The following RGS7 variants were observed in gnomAD, a reference collection of about 807,000 sequenced individuals.
RGS7 encodes regulator of G protein signaling 7.
RGS7 carries 27 observed loss-of-function variants against 81.1 expected under a neutral mutation model. That is an observed-to-expected ratio of 0.33 (90% CI 0.25 to 0.46). The LOEUF (loss-of-function observed/expected upper bound fraction) is 0.46. Ranked by LOEUF, RGS7 falls within the 20% of genes least tolerant of loss-of-function variation. The pLI, the probability that RGS7 is intolerant of heterozygous loss-of-function variation, is 1.00. For missense variants in RGS7, 396 were observed against 607.4 expected (o/e 0.65, Z 3.66); for synonymous variants, 208 against 207.7 (o/e 1.00, Z -0.01).
chr1:241,192,252 C>CATGTGTGTGTGTGTGTGTGT (rs1491204174), intron 2 of RGS7, among the ~76,000 whole-genome samples: 1 of 124,676 alleles, frequency 8.0e-6, no homozygotes, highest in African/African-American at 3.2e-5. Flanking sequence ...TCTGTCTGCA[C>CATGTGTGTGTGTGTGTGTGT]GTGTGTGTGT....
At chr1:240,778,366 C>T (rs908260952) in intron 18 of RGS7, among the ~76,000 whole-genome samples, 1 of 152,188 alleles carries the variant, frequency 6.6e-6, no homozygotes, top group Non-Finnish European at 1.5e-5. Context: ...ATTCCATAAT[C>T]AACCTGTCTT....
intron 18 of RGS7, among the ~76,000 whole-genome samples, chr1:240,794,621 A>G (rs181601030): frequency 4.6e-5 from 7 of 152,338 alleles, no homozygotes; most frequent in African/African-American, 1.7e-4. Flanking sequence ...CAGGAGGGAC[A>G]TGACTCAATC....
At chr1:240,786,735 G>T (rs988214062) in intron 18 of RGS7, among the ~76,000 whole-genome samples, 1 of 152,110 alleles carries the variant, frequency 6.6e-6, no homozygotes, top group East Asian at 1.9e-4. Context: ...TAAAAAATGT[G>T]TCAAATATGG....
intron 10 of RGS7, among the ~76,000 whole-genome samples, chr1:240,819,896 A>T (rs776408147): frequency 1.3e-5 from 2 of 152,252 alleles, no homozygotes; most frequent in Admixed American, 6.5e-5. Flanking sequence ...AACATCAGGA[A>T]GTCTCCCTTT....
At chr1:241,000,669 C>G (rs1033525935) in intron 3 of RGS7, among the ~76,000 whole-genome samples, 1 of 150,630 alleles carries the variant, frequency 6.6e-6, no homozygotes. Context: ...TTTTTTTATA[C>G]AGAGTCTCCC....
At chr1:241,276,614 A>T (rs931134080) in intron 2 of RGS7, among the ~76,000 whole-genome samples, 6 of 152,200 alleles carry the variant, frequency 3.9e-5, no homozygotes, top group Non-Finnish European at 8.8e-5. Flanking sequence ...TTGTTGCTTC[A>T]TTTTAGCTTA....
At chr1:241,299,061 G>A (rs1239841554) in intron 2 of RGS7, among the ~76,000 whole-genome samples, 1 of 152,214 alleles carries the variant, frequency 6.6e-6, no homozygotes, top group Admixed American at 6.5e-5. Flanking sequence ...AGCTGGCAAA[G>A]TAATCTCTGC....
intron 3 of RGS7, among the ~76,000 whole-genome samples, chr1:241,084,689 A>C (rs2063328802): frequency 6.6e-6 from 1 of 152,180 alleles, no homozygotes; most frequent in African/African-American, 2.4e-5. Context: ...AAAGTAACCA[A>C]ATCAGATAAG....
chr1:240,781,581 G>C (rs1572048348), intron 18 of RGS7, among the ~76,000 whole-genome samples: 1 of 152,226 alleles, frequency 6.6e-6, no homozygotes, highest in East Asian at 1.9e-4. Flanking sequence ...CACTCATCCT[G>C]GGTGACAGAG....
At chr1:241,261,388 A>T (rs2077324809) in intron 2 of RGS7, among the ~76,000 whole-genome samples, 1 of 151,920 alleles carries the variant, frequency 6.6e-6, no homozygotes, top group South Asian at 2.1e-4. Flanking sequence ...TGGGAGGCCG[A>T]GGCAGGTAGA....
At position 240,913,285 on chromosome 1, in the gene RGS7, C is replaced by T. The variant is rs115231907; in HGVS notation, c.385+17432G>A. Among the ~76,000 whole-genome samples the T allele has an allele frequency of 7.2e-3, 1,096 of 152,208 alleles. 15 individuals are homozygous for T. Among genetic ancestry groups the T allele is most frequent in the African/African-American group, 0.025 (1,051 of 41,518 alleles). ...CATACAGTACATTTATATGCACGAG[C>T]ATTATTCATATACATGCATACCTAC... On this transcript the variant is annotated intron_variant, in intron 6 of 18. Coordinates refer to ENST00000440928, the MANE Select transcript of RGS7 (RefSeq NM_001364886.1).
chr1:240,977,170 T>C (rs1383385030), intron 4 of RGS7, among the ~76,000 whole-genome samples: 1 of 148,964 alleles, frequency 6.7e-6, no homozygotes, highest in Non-Finnish European at 1.5e-5. Context: ...TGGAGAACCT[T>C]GATGAGTACT....
chr1:241,075,374 A>C (rs1384026347), intron 3 of RGS7, among the ~76,000 whole-genome samples: 1 of 152,194 alleles, frequency 6.6e-6, no homozygotes, highest in East Asian at 1.9e-4. Flanking sequence ...CTTGGGAATT[A>C]ACCTTTTATT....
intron 15 of RGS7, among the ~76,000 whole-genome samples, 166 bp downstream of exon 15, chr1:240,805,974 G>A (rs1018004653): frequency 1.3e-5 from 2 of 152,014 alleles, no homozygotes; most frequent in Non-Finnish European, 2.9e-5. Context: ...AAACTATTCA[G>A]TTTAATGTGT....
chr1:241,068,257 T>TGTATATATATATATATATATATATATAA (rs2062206347), intron 3 of RGS7, among the ~76,000 whole-genome samples: 18 of 73,264 alleles, frequency 2.5e-4, no homozygotes, highest in African/African-American at 7.5e-4. Flanking sequence ...TATATATATA[T>TGTATATATATATATATATATATATATAA]AAAATATTGT....
chr1:240,782,913 G>A (rs1684372988), intron 18 of RGS7, among the ~76,000 whole-genome samples: 1 of 152,096 alleles, frequency 6.6e-6, no homozygotes, highest in Admixed American at 6.6e-5. Flanking sequence ...GATTCTAAAG[G>A]AAACAGATTA....
chr1:240,816,467 A>ATG, intron 10 of RGS7, 52 bp from the exon 11 acceptor site: 1 of 1,184,434 alleles, frequency 8.4e-7, no homozygotes, highest in Non-Finnish European at 1.3e-6. Context: ...GTTTACAGTC[A>ATG]CAGACTTTCT....
At chr1:240,939,615 T>G (rs1677219776) in intron 4 of RGS7, among the ~76,000 whole-genome samples, 1 of 152,222 alleles carries the variant, frequency 6.6e-6, no homozygotes, top group South Asian at 2.1e-4. Flanking sequence ...TTGTTTCAAG[T>G]TGAAAACACT....
intron 6 of RGS7, among the ~76,000 whole-genome samples, chr1:240,923,586 C>T (rs1056207957): frequency 2.6e-5 from 4 of 151,710 alleles, no homozygotes; most frequent in Non-Finnish European, 4.4e-5. Flanking sequence ...GGGATGGATT[C>T]ATTAAAAGTG....
Sources: gnomAD v4.1 joint callset for allele counts (sites outside exome capture counted in the v4.1 genomes callset) on GRCh38, gnomAD v4.1.1 for gene constraint, MANE v1.5 for transcripts, NCBI Gene and HGNC (gene_info 2026-07-23, HGNC 2026-07-21) for gene names.